The following CCT6A variants were observed in gnomAD, a reference collection of about 807,000 sequenced individuals.
The protein encoded by CCT6A is chaperonin containing TCP1 subunit 6A, also known as T-complex protein 1 subunit zeta.
CCT6A carries 6 observed loss-of-function variants against 58.6 expected under a neutral mutation model. The ratio of observed to expected loss-of-function variants is 0.10; its 90% CI spans 0.06 to 0.20. The LOEUF (loss-of-function observed/expected upper bound fraction) is 0.20. CCT6A is among the 10% of genes least tolerant of loss of function. The pLI is 1.00. For synonymous variants in CCT6A, 245 were observed against 227.8 expected (o/e 1.08, Z -0.68); for missense variants, 516 against 648.8 (o/e 0.80, Z 2.22).
At chr7:56,059,161 G>A (rs912521852) in intron 8 of CCT6A, among the ~76,000 whole-genome samples, 3 of 151,882 alleles carry the variant, frequency 2.0e-5, no homozygotes, top group African/African-American at 7.3e-5. Flanking sequence ...CATGCCCACT[G>A]AATTGCTTTG....
intron 11 of CCT6A, 46 bp from the exon 12 acceptor site, chr7:56,061,701 A>C (rs1584553432): frequency 6.5e-6 from 2 of 308,036 alleles, no homozygotes; most frequent in Non-Finnish European, 5.7e-6. Context: ...TTTTACTATC[A>C]GTTATTAGTT....
In CCT6A at chr7:56,059,594, G is replaced by A. The variant is rs1240006858; in HGVS notation, c.1019G>A (p.Ser340Asn). 7 of 1,607,412 alleles carry A rather than the reference G, an allele frequency of 4.4e-6. No homozygotes were observed. In the South Asian group the frequency reaches 7.7e-5, roughly 18 times the overall value. Reference protein sequence around the residue: ...GVALNSFDDLSPDCLGHAGLV... With the variant: ...GVALNSFDDLNPDCLGHAGLV... The stretch of plus-strand genomic sequence containing the variant: ...GCCCTGAATTCTTTTGACGACCTAA[G>A]TCCTGACTGCTTGGGACATGCAGGA... The change falls in exon 9 of 14, where the codon AGT becomes AAT. Residue 340 changes from serine (S) to asparagine (N), a missense_variant. Ser to Asn is a conservative substitution (Grantham distance 46). Coordinates refer to ENST00000275603, the MANE Select transcript of CCT6A (RefSeq NM_001762.4).
intron 10 of CCT6A, 45 bp from the exon 11 acceptor site, chr7:56,060,758 ATTAG>A: frequency 6.3e-7 from 1 of 1,575,570 alleles, no homozygotes; most frequent in African/African-American, 1.4e-5. Flanking sequence ...GTTATTCATA[ATTAG>A]TTCTGCAGTT....
At chr7:56,054,273 A>T in intron 2 of CCT6A, 96 bp from the exon 3 acceptor site, 1 of 999,412 alleles carries the variant, frequency 1.0e-6, no homozygotes, top group Non-Finnish European at 1.5e-6. Flanking sequence ...TTTTTCAAGT[A>T]GATAGCACTC....
intron 5 of CCT6A, among the ~76,000 whole-genome samples, chr7:56,056,730 A>C (rs966946239): frequency 2.0e-5 from 3 of 151,798 alleles, no homozygotes; most frequent in African/African-American, 7.3e-5. Flanking sequence ...CCCATTAAAA[A>C]AAAAACAAAA....
chr7:56,054,213 C>A (rs1441982578), intron 2 of CCT6A, among the ~76,000 whole-genome samples, 156 bp from the exon 3 acceptor site: 1 of 152,190 alleles, frequency 6.6e-6, no homozygotes, highest in African/African-American at 2.4e-5. Context: ...ATTATAATTG[C>A]ATGTGCATGA....
chr7:56,058,443 T>C lies in CCT6A; in HGVS notation c.807T>C (p.Asp269=), dbSNP rs1794361138. The C allele has an allele frequency of 6.2e-7, 1 of 1,604,098 alleles. No homozygotes were observed. Among genetic ancestry groups the C allele is most frequent in the South Asian group, 1.1e-5 (1 of 88,920 alleles). ...AAGCTGAAAGAAAATTCATTGAAGA[T>C]AGGGTTAAAAAAATAATAGAACTGA... ...LVKAERKFIE[D]RVKKIIELKR... The change falls in exon 7 of 14, where the codon GAT becomes GAC. Residue 269 remains aspartate (D), a synonymous_variant. Transcript: ENST00000275603.
Position 56,063,136 on chromosome 7 carries a change from G to A in CCT6A, c.*51G>A, listed in dbSNP as rs771059960. Reference sequence around the variant, plus strand: ...CTTGAAGACTGCAAAGTGATCCTGAGGATTACAGCTGTGGAATTTTTGTCC... The same window carrying A: ...CTTGAAGACTGCAAAGTGATCCTGAAGATTACAGCTGTGGAATTTTTGTCC... On this transcript the variant is annotated 3_prime_UTR_variant, in exon 14 of 14. Transcript: ENST00000275603. The A allele has an allele frequency of 1.0e-4, 127 of 1,232,156 alleles. No individual in the cohort carries two copies. Among genetic ancestry groups the A allele is most frequent in the Non-Finnish European group, 1.4e-4 (118 of 834,920 alleles). The allele number at this position is 1,232,156 out of a possible 1,614,324, so 76.3% of individuals were successfully genotyped here. A position where few individuals can be genotyped will look rare whatever the true frequency, so the allele number is the denominator to read the frequency against.
At chr7:56,054,928 G>GGA (rs1745704995) in intron 3 of CCT6A, among the ~76,000 whole-genome samples, 1 of 152,208 alleles carries the variant, frequency 6.6e-6, no homozygotes, top group African/African-American at 2.4e-5. Flanking sequence ...AAAGAGAACA[G>GGA]TCTTTATTTT....
chr7:56,060,213 C>T, intron 9 of CCT6A, 56 bp from the exon 10 acceptor site: 1 of 1,496,722 alleles, frequency 6.7e-7, no homozygotes, highest in Non-Finnish European at 9.3e-7. Flanking sequence ...AGTCCCTCTT[C>T]TCTCTTCACT....
At chr7:56,052,684 A>T (rs1437896618) in intron 2 of CCT6A, among the ~76,000 whole-genome samples, 199 bp downstream of exon 2, 2 of 152,174 alleles carry the variant, frequency 1.3e-5, no homozygotes, top group Admixed American at 1.3e-4. Flanking sequence ...GTCCGGGCTA[A>T]AGGGCTGTAA....
intron 13 of CCT6A, 33 bp downstream of exon 13, chr7:56,062,788 G>C (rs1482277273): frequency 7.2e-6 from 11 of 1,533,542 alleles, no homozygotes; most frequent in African/African-American, 1.4e-5. Context: ...TAAACTGTTA[G>C]AGAATCATAC....
intron 2 of CCT6A, 139 bp downstream of exon 2, chr7:56,052,624 C>A: frequency 1.4e-6 from 1 of 718,664 alleles, no homozygotes; most frequent in Admixed American, 2.4e-5. Flanking sequence ...TCCTGAGTGC[C>A]TGGAGTCTGA....
chr7:56,052,775 T>G (rs1033060912), intron 2 of CCT6A, among the ~76,000 whole-genome samples: 1 of 132,350 alleles, frequency 7.6e-6, no homozygotes, highest in East Asian at 2.3e-4. Context: ...TGCATGAGGA[T>G]GATTTTTCTT....
chr7:56,061,668 C>CTTTTTTTTTTTTTTTTTTTTTTTTTTTTT (rs71015174), intron 11 of CCT6A, 79 bp from the exon 12 acceptor site: 42 of 312,668 alleles, frequency 1.3e-4, no homozygotes, highest in Middle Eastern at 1.2e-3. Context: ...TTTCTTTTTT[C>CTTTTTTTTTTTTTTTTTTTTTTTTTTTTT]TTTTTTTTTT....
Position 56,054,353 on chromosome 7 carries a change from C to G in CCT6A, c.202-16C>G. The G allele has an allele frequency of 6.3e-7, 1 of 1,589,850 alleles. No homozygotes were observed. ...TTCATATTGTTTTAAGTGATTCATT[C>G]TTTTTCTACTTACAGCAAATTCAAC... is the stretch of plus-strand genomic sequence containing the variant. On this transcript the variant is annotated splice_polypyrimidine_tract_variant and intron_variant, in intron 2 of 13. Coordinates refer to ENST00000275603, the MANE Select transcript of CCT6A (RefSeq NM_001762.4).
chr7:56,056,979 T>C (rs1794323227), intron 5 of CCT6A, among the ~76,000 whole-genome samples: 1 of 151,986 alleles, frequency 6.6e-6, no homozygotes, highest in Non-Finnish European at 1.5e-5. Context: ...GTATTTTTAG[T>C]AGAGACGGGG....
intron 6 of CCT6A, 52 bp from the exon 7 acceptor site, chr7:56,058,310 G>T (rs1794358132): frequency 1.5e-6 from 2 of 1,352,718 alleles, no homozygotes; most frequent in South Asian, 1.4e-5. Context: ...AGTTTCAGAA[G>T]CTGCTTTCTT....
intron 6 of CCT6A, 84 bp from the exon 7 acceptor site, chr7:56,058,278 T>C: frequency 2.8e-6 from 3 of 1,054,798 alleles, no homozygotes; most frequent in Non-Finnish European, 4.1e-6. Flanking sequence ...CTCAGTGAAC[T>C]GTTAAATCTT....
Sources: gnomAD v4.1 joint callset for allele counts (sites outside exome capture counted in the v4.1 genomes callset) on GRCh38, gnomAD v4.1.1 for gene constraint, MANE v1.5 for transcripts, NCBI Gene and HGNC (gene_info 2026-07-23, HGNC 2026-07-21) for gene names.